KSR2: variants seen among roughly 807,000 people sequenced by gnomAD.
KSR2 encodes kinase suppressor of ras 2.
KSR2 carries 25 observed loss-of-function variants against 107.8 expected under a neutral mutation model. The observed-to-expected ratio is 0.23, with a 90% CI of 0.17 to 0.32. The LOEUF (loss-of-function observed/expected upper bound fraction) is 0.32, where lower values mean the gene tolerates loss of function less well. Ranked by LOEUF, KSR2 falls within the 10% of genes least tolerant of loss-of-function variation. The pLI is 1.00. For missense variants in KSR2, 887 were observed against 1,268.9 expected (o/e 0.70, Z 4.57); for synonymous variants, 480 against 507.0 (o/e 0.95, Z 0.71).
At chr12:117,821,926 C>A (rs1158242508) in intron 3 of KSR2, among the ~76,000 whole-genome samples, 2 of 152,154 alleles carry the variant, frequency 1.3e-5, no homozygotes, top group Non-Finnish European at 2.9e-5. Flanking sequence ...CAGACACAGG[C>A]ATTCTAAGTC....
intron 1 of KSR2, among the ~76,000 whole-genome samples, chr12:117,951,715 GT>G (rs1238550107): frequency 1.3e-5 from 2 of 152,146 alleles, no homozygotes; most frequent in East Asian, 3.9e-4. Context: ...TACCTGCTAG[GT>G]TCCAGATCTT....
chr12:117,474,835 A>G (rs904656811), intron 17 of KSR2, among the ~76,000 whole-genome samples: 2 of 152,028 alleles, frequency 1.3e-5, no homozygotes, highest in Non-Finnish European at 2.9e-5. Flanking sequence ...CATCTCCACG[A>G]TAGCTCAAAC....
chr12:117,941,613 C>CTTTTTTTTT (rs139487553), intron 1 of KSR2, among the ~76,000 whole-genome samples: 7 of 52,966 alleles, frequency 1.3e-4, no homozygotes, highest in Non-Finnish European at 1.9e-4. Context: ...ACAGGCTTTC[C>CTTTTTTTTT]TTTTTTTTTT....
chr12:117,931,538 AC>A (rs1445253162), intron 1 of KSR2, among the ~76,000 whole-genome samples: 2 of 152,162 alleles, frequency 1.3e-5, no homozygotes, highest in Non-Finnish European at 2.9e-5. Flanking sequence ...TCTAGGAACA[AC>A]CCAGTCCAAA....
In KSR2 at chr12:117,466,900, C is replaced by T. The variant is rs967209814; in HGVS notation, c.*299G>A. 18 of 358,122 alleles carry T rather than the reference C, an allele frequency of 5.0e-5. No individual in the cohort carries two copies. The highest frequency in any genetic ancestry group is 7.0e-4 in the Middle Eastern group (1 of 1,426). The allele number at this position is 358,122 out of a possible 1,614,324, so 22.2% of individuals were successfully genotyped here. ...GTCCTAGTCCCATAGCCCAAAGGCA[C>T]CACGTGCAGCCTGCAGTGCTCTCAT... On this transcript the variant is annotated 3_prime_UTR_variant, in exon 20 of 20. Transcript: ENST00000339824.
chr12:117,464,259 C>T lies in KSR2; in HGVS notation c.*2940G>A, dbSNP rs890209912. 6.6e-6 allele frequency: 1 copy of T among 152,222 alleles called. No individual in the cohort carries two copies. Among genetic ancestry groups the T allele is most frequent in the Non-Finnish European group, 1.5e-5 (1 of 68,042 alleles). 9.4% of individuals were successfully genotyped at this position (152,222 alleles called of 1,614,324 possible). On this transcript the variant is annotated 3_prime_UTR_variant, in exon 20 of 20. Coordinates refer to ENST00000339824, the MANE Select transcript of KSR2 (RefSeq NM_173598.6). ...GCCAAGGCTTCCTGGTGAATCTTCA[C>T]CCTGTGGACTGGTCCCCTCGGGAAG...
intron 1 of KSR2, among the ~76,000 whole-genome samples, chr12:117,880,225 AT>A (rs1450602709): frequency 2.0e-5 from 3 of 152,224 alleles, no homozygotes; most frequent in African/African-American, 7.2e-5. Context: ...AATAGAATGA[AT>A]TTTTGCTTTA....
chr12:117,544,972 AG>A (rs1405893062), intron 9 of KSR2, among the ~76,000 whole-genome samples: 1 of 152,148 alleles, frequency 6.6e-6, no homozygotes, highest in African/African-American at 2.4e-5. Flanking sequence ...GTATTATTTT[AG>A]GTGCTTTTAT....
At chr12:117,918,097 T>C (rs1421391282) in intron 1 of KSR2, among the ~76,000 whole-genome samples, 2 of 152,192 alleles carry the variant, frequency 1.3e-5, no homozygotes, top group Non-Finnish European at 2.9e-5. Context: ...TAGAAATGTA[T>C]TTCTGATTGA....
intron 4 of KSR2, among the ~76,000 whole-genome samples, chr12:117,677,698 TG>T (rs1885193130): frequency 6.6e-6 from 1 of 151,990 alleles, no homozygotes; most frequent in African/African-American, 2.4e-5. Context: ...GGCCACTTTA[TG>T]AGATTCTTAT....
At chr12:117,655,668 C>G (rs961393055) in intron 5 of KSR2, among the ~76,000 whole-genome samples, 3 of 152,252 alleles carry the variant, frequency 2.0e-5, no homozygotes, top group Middle Eastern at 3.4e-3. Flanking sequence ...ACGCTGCCAC[C>G]AGGAGACACA....
intron 4 of KSR2, among the ~76,000 whole-genome samples, chr12:117,736,339 T>C (rs1341669055): frequency 2.6e-5 from 4 of 152,214 alleles, no homozygotes; most frequent in Non-Finnish European, 5.9e-5. Flanking sequence ...ATAAACTGAC[T>C]GGAGGAATTT....
At chr12:117,639,657 T>TATTATTATTATTATA (rs1491437914) in intron 5 of KSR2, among the ~76,000 whole-genome samples, 3 of 117,310 alleles carry the variant, frequency 2.6e-5, no homozygotes, top group East Asian at 2.1e-4. Context: ...TTATTATTAT[T>TATTATTATTATTATA]ATATTATTTT....
At chr12:117,480,904 G>C (rs1001252003) in intron 16 of KSR2, among the ~76,000 whole-genome samples, 1 of 152,006 alleles carries the variant, frequency 6.6e-6, no homozygotes, top group Non-Finnish European at 1.5e-5. Flanking sequence ...AACCATTAAA[G>C]AGTAAAGCCC....
At chr12:117,514,626 G>A (rs974300532) in intron 14 of KSR2, among the ~76,000 whole-genome samples, 8 of 147,468 alleles carry the variant, frequency 5.4e-5, no homozygotes, top group African/African-American at 2.0e-4. Flanking sequence ...CTTTCTCACT[G>A]CAGCCTCAGT....
intron 16 of KSR2, among the ~76,000 whole-genome samples, chr12:117,479,201 A>G (rs1050185082): frequency 6.6e-6 from 1 of 152,190 alleles, no homozygotes; most frequent in African/African-American, 2.4e-5. Flanking sequence ...TTTTTGTAGA[A>G]CCCAAAACAG....
rs193281439 is a variant in KSR2, at chr12:117,903,809, C to T, written c.181-43378G>A. On this transcript the variant is annotated intron_variant, in intron 1 of 19. Coordinates refer to ENST00000339824, the MANE Select transcript of KSR2 (RefSeq NM_173598.6). ...GTGCTTGAGACCAGGAGTTTGAGGC[C>T]AGCCTGGGAAACACAGGGAAACTCC... Among the ~76,000 whole-genome samples, 12 of 152,236 alleles carry T rather than the reference C, an allele frequency of 7.9e-5. No individual in the cohort carries two copies. In the East Asian group the frequency reaches 2.1e-3, roughly 27 times the overall value.
chr12:117,929,544 G>A (rs757236354), intron 1 of KSR2, among the ~76,000 whole-genome samples: 2 of 152,124 alleles, frequency 1.3e-5, no homozygotes, highest in Non-Finnish European at 2.9e-5. Context: ...ATGTCTTTAT[G>A]AGCAGCATGA....
chr12:117,677,064 C>T (rs1222371673), intron 4 of KSR2: 1 of 152,108 alleles, frequency 6.6e-6, no homozygotes, highest in Non-Finnish European at 1.5e-5. Flanking sequence ...GGAAGCCTTC[C>T]TTGAAGAAGG....
Sources: allele counts gnomAD v4.1 joint callset (sites outside exome capture counted in the v4.1 genomes callset), GRCh38; gene constraint gnomAD v4.1.1; transcripts MANE v1.5; gene names NCBI Gene and HGNC (gene_info 2026-07-23, HGNC 2026-07-21).